Variants in DLGAP2 observed in about 807,000 individuals in gnomAD.
DLGAP2 encodes the protein disks large-associated protein 2.
A neutral mutation model predicts 100.3 loss-of-function variants in DLGAP2; 26 were observed. The observed-to-expected ratio is 0.26, with a 90% CI of 0.19 to 0.36. The LOEUF (loss-of-function observed/expected upper bound fraction) is 0.36. Among genes scored for constraint, DLGAP2 ranks in the 10% least tolerant of loss-of-function variants. The pLI is 1.00. For missense variants in DLGAP2, 1,858 were observed against 1,453.2 expected, an observed-to-expected ratio of 1.28 and a Z score of -4.53; for synonymous variants, 886 against 630.1, an observed-to-expected ratio of 1.41 and a Z score of -6.08.
At chr8:1,054,391 C>G (rs1323239527) in intron 2 of DLGAP2, among the ~76,000 whole-genome samples, 1 of 152,118 alleles carries the variant, frequency 6.6e-6, no homozygotes, top group African/African-American at 2.4e-5. Flanking sequence ...ATGGCTTGGA[C>G]TTTACTCTTG....
At chr8:1,219,045 G>A (rs1798267422) in intron 2 of DLGAP2, among the ~76,000 whole-genome samples, 1 of 152,150 alleles carries the variant, frequency 6.6e-6, no homozygotes, top group African/African-American at 2.4e-5. Flanking sequence ...GGTTTTCTAG[G>A]TATAGAATCA....
intron 1 of DLGAP2, among the ~76,000 whole-genome samples, chr8:868,212 G>A (rs1797533590): frequency 6.6e-6 from 1 of 152,262 alleles, no homozygotes; most frequent in Admixed American, 6.5e-5. Flanking sequence ...TTTATTCTGA[G>A]CACTTATTTT....
intron 2 of DLGAP2, among the ~76,000 whole-genome samples, chr8:1,024,608 C>T (rs1801737645): frequency 6.6e-6 from 1 of 152,218 alleles, no homozygotes; most frequent in African/African-American, 2.4e-5. Flanking sequence ...AAGAGCTTTA[C>T]TCCCTCATGC....
At chr8:1,577,791 A>C (rs992985706) in intron 6 of DLGAP2, among the ~76,000 whole-genome samples, 1 of 152,066 alleles carries the variant, frequency 6.6e-6, no homozygotes, top group Non-Finnish European at 1.5e-5. Context: ...ACAGGGGCAC[A>C]CAGCATGCTG....
At position 856,346 on chromosome 8, in the gene DLGAP2, G is replaced by A. The variant is rs145920159; in HGVS notation, c.19-51566G>A. 8.6e-3 allele frequency among the ~76,000 whole-genome samples: 1,300 copies of A among 151,922 alleles called. 19 individuals are homozygous for A. The highest frequency in any genetic ancestry group is 0.03 in the African/African-American group (1,238 of 41,424). On this transcript the variant is annotated intron_variant, in intron 1 of 14. Transcript: ENST00000637795. ...TGGGATTACAGGCACACACCACCAC[G>A]CCTGGCTAATTTTGTATTTTTGGTA...
chr8:1,002,744 G>C (rs943507520), intron 2 of DLGAP2: 9 of 152,534 alleles, frequency 5.9e-5, no homozygotes, highest in African/African-American at 1.9e-4. Flanking sequence ...GATGATACCA[G>C]GGGCGCACAG....
rs1003231775 is a variant in DLGAP2, at chr8:1,644,402, C to G, written c.1810+11356C>G. On this transcript the variant is annotated intron_variant, in intron 8 of 14. Transcript: ENST00000637795. ...GCTGCCCTCTCGCTCCCACCCGCTCCCAGCCAGTCTTCCTGAAATTCTCGC... is the reference window on the plus strand; with the variant it reads ...GCTGCCCTCTCGCTCCCACCCGCTCGCAGCCAGTCTTCCTGAAATTCTCGC... Among the ~76,000 whole-genome samples, 9 of 152,364 alleles carry G rather than the reference C, an allele frequency of 5.9e-5. No homozygotes were observed. In the South Asian group the frequency reaches 6.2e-4, roughly 11 times the overall value.
Position 880,900 on chromosome 8 carries a change from C to G in DLGAP2, c.19-27012C>G, listed in dbSNP as rs557053652. Among the ~76,000 whole-genome samples, 15 of 152,308 alleles carry G rather than the reference C, an allele frequency of 9.8e-5. 1 individual carries two copies. The highest frequency in any genetic ancestry group is 3.6e-4 in the African/African-American group (15 of 41,562). ...CCTCCTCCATGCATAAACATAATGC[C>G]CTGATCTCCACTCTGTTAATTTATA... On this transcript the variant is annotated intron_variant, in intron 1 of 14. Coordinates refer to ENST00000637795, the MANE Select transcript of DLGAP2 (RefSeq NM_001346810.2).
intron 2 of DLGAP2, among the ~76,000 whole-genome samples, chr8:1,199,246 C>G (rs11986808): frequency 0.39 from 58,531 of 151,974 alleles, 11,367 homozygotes; most frequent in Middle Eastern, 0.56. Flanking sequence ...GAAAGCATGG[C>G]TGAATAGATA....
At chr8:1,158,764 C>T (rs1796838814) in intron 2 of DLGAP2, among the ~76,000 whole-genome samples, 1 of 152,232 alleles carries the variant, frequency 6.6e-6, no homozygotes, top group East Asian at 1.9e-4. Context: ...ACACAGACCC[C>T]TTGAAGTCTC....
At position 1,701,464 on chromosome 8, in the gene DLGAP2, G is replaced by A. The variant is rs1002080431; in HGVS notation, c.*58G>A. 9.3e-6 allele frequency: 14 copies of A among 1,504,044 alleles called. No homozygotes were observed. The highest frequency in any genetic ancestry group is 1.2e-5 in the South Asian group (1 of 81,652). 93.2% of individuals were successfully genotyped at this position (1,504,044 alleles called of 1,614,324 possible). On this transcript the variant is annotated 3_prime_UTR_variant, in exon 15 of 15. Transcript: ENST00000637795. ...CCGCTTTCCCGGACGCTTGTGCAGC[G>A]CGGCGCCGCCCTGGTGGTTTCTGTC...
chr8:1,367,551 C>T (rs975513003), intron 3 of DLGAP2, among the ~76,000 whole-genome samples: 33 of 152,314 alleles, frequency 2.2e-4, no homozygotes, highest in African/African-American at 6.0e-4. Context: ...ACAGTGGGAT[C>T]GTTGTCACCT....
chr8:1,515,517 C>T (rs558682585), intron 4 of DLGAP2, among the ~76,000 whole-genome samples: 25 of 152,310 alleles, frequency 1.6e-4, no homozygotes, highest in African/African-American at 5.8e-4. Context: ...CACACAGGTG[C>T]ATGCACATGC....
intron 1 of DLGAP2, among the ~76,000 whole-genome samples, chr8:748,963 A>G (rs540053852): frequency 2.6e-5 from 4 of 152,358 alleles, no homozygotes; most frequent in Admixed American, 6.5e-5. Flanking sequence ...ATCTGGTGGT[A>G]TAACGGGAGG....
intron 1 of DLGAP2, among the ~76,000 whole-genome samples, chr8:775,173 T>C (rs1458991140): frequency 6.6e-6 from 1 of 151,514 alleles, no homozygotes; most frequent in Non-Finnish European, 1.5e-5. Context: ...TGTATAAGAA[T>C]GCTTGTGATT....
chr8:1,521,911 G>T (rs1207026169), intron 4 of DLGAP2, among the ~76,000 whole-genome samples: 1 of 148,106 alleles, frequency 6.8e-6, no homozygotes, highest in Non-Finnish European at 1.5e-5. Flanking sequence ...GGTGGCAGGT[G>T]ATATGGGGCA....
At chr8:1,204,105 G>A (rs1172114863) in intron 2 of DLGAP2, among the ~76,000 whole-genome samples, 1 of 152,256 alleles carries the variant, frequency 6.6e-6, no homozygotes, top group African/African-American at 2.4e-5. Context: ...CCTGAATTCT[G>A]CATCTCTGAA....
chr8:801,769 G>A (rs1158848560), intron 1 of DLGAP2, among the ~76,000 whole-genome samples: 4 of 152,134 alleles, frequency 2.6e-5, no homozygotes, highest in African/African-American at 9.7e-5. Flanking sequence ...TTCACAATAG[G>A]CTGTTTCTCT....
intron 2 of DLGAP2, chr8:927,265 A>G (rs1329063817): frequency 1.0e-6 from 1 of 979,364 alleles, no homozygotes; most frequent in Non-Finnish European, 1.2e-6. Context: ...GACAGTGATG[A>G]GCCTATGGGG....
Sources: gnomAD v4.1 joint callset for allele counts (sites outside exome capture counted in the v4.1 genomes callset) on GRCh38, gnomAD v4.1.1 for gene constraint, MANE v1.5 for transcripts, NCBI Gene and HGNC (gene_info 2026-07-23, HGNC 2026-07-21) for gene names.